The following PRKN variants were observed in gnomAD, a reference collection of about 807,000 sequenced individuals.
The protein encoded by PRKN is parkin RBR E3 ubiquitin protein ligase.
A neutral mutation model predicts 59.5 loss-of-function variants in PRKN; 56 were observed. The ratio of observed to expected loss-of-function variants is 0.94; its 90% CI spans 0.76 to 1.18. PRKN has a LOEUF of 1.18. Ranked by LOEUF, PRKN falls within the 50% of genes most tolerant of loss-of-function variation. The pLI, the probability that PRKN is intolerant of heterozygous loss-of-function variation, is 0.00. For synonymous variants in PRKN, 250 were observed against 222.1 expected (o/e 1.13, Z -1.12); for missense variants, 657 against 596.4 (o/e 1.10, Z -1.06).
intron 7 of PRKN, among the ~76,000 whole-genome samples, chr6:161,713,725 C>T (rs963913226): frequency 8.5e-5 from 13 of 152,266 alleles, no homozygotes; most frequent in African/African-American, 2.6e-4. Context: ...AAGGGTGCTC[C>T]AGGTTTGTAA....
chr6:161,934,144 A>G (rs1430296897), intron 6 of PRKN, among the ~76,000 whole-genome samples: 1 of 152,160 alleles, frequency 6.6e-6, no homozygotes. Context: ...GCCAGTTTTC[A>G]GGAGATCTGA....
chr6:162,679,464 T>C (rs1357421426), intron 1 of PRKN, among the ~76,000 whole-genome samples: 1 of 152,192 alleles, frequency 6.6e-6, no homozygotes, highest in African/African-American at 2.4e-5. Flanking sequence ...AATTGTTTTA[T>C]TTATGAATCC....
At chr6:162,511,225 G>A (rs1472145627) in intron 1 of PRKN, among the ~76,000 whole-genome samples, 3 of 151,378 alleles carry the variant, frequency 2.0e-5, no homozygotes, top group Non-Finnish European at 4.4e-5. Context: ...ATCAGGCCTG[G>A]AAGCTACCAC....
intron 6 of PRKN, among the ~76,000 whole-genome samples, chr6:161,802,021 C>A (rs1791102759): frequency 6.6e-6 from 1 of 152,216 alleles, no homozygotes; most frequent in East Asian, 1.9e-4. Context: ...CATACACAAA[C>A]AAGGAATTCG....
At chr6:161,536,796 T>C (rs532373221) in intron 9 of PRKN, among the ~76,000 whole-genome samples, 1 of 152,336 alleles carries the variant, frequency 6.6e-6, no homozygotes, top group South Asian at 2.1e-4. Flanking sequence ...GGAAGTTCTG[T>C]GCTTTTCTGA....
chr6:162,110,096 A>G (rs542586380), intron 4 of PRKN, among the ~76,000 whole-genome samples: 21 of 152,332 alleles, frequency 1.4e-4, no homozygotes, highest in African/African-American at 5.1e-4. Flanking sequence ...TTTTGAATGT[A>G]CTATGTGTGT....
At chr6:162,337,790 G>C (rs1036908178) in intron 2 of PRKN, among the ~76,000 whole-genome samples, 2 of 152,108 alleles carry the variant, frequency 1.3e-5, no homozygotes, top group Non-Finnish European at 2.9e-5. Flanking sequence ...CAGGAAAAAT[G>C]AAACAGATGA....
intron 7 of PRKN, among the ~76,000 whole-genome samples, chr6:161,717,805 G>C (rs571194700): frequency 1.3e-5 from 2 of 152,162 alleles, no homozygotes; most frequent in Non-Finnish European, 2.9e-5. Context: ...CGAGGGGTGG[G>C]ACTTGGATCC....
chr6:162,507,385 G>A (rs1452736143), intron 1 of PRKN, among the ~76,000 whole-genome samples: 2 of 151,876 alleles, frequency 1.3e-5, no homozygotes, highest in Non-Finnish European at 2.9e-5. Flanking sequence ...CAGAAAAGAT[G>A]ACAATCAAGA....
intron 6 of PRKN, among the ~76,000 whole-genome samples, chr6:161,824,755 A>C (rs1205647525): frequency 6.6e-6 from 1 of 152,258 alleles, no homozygotes; most frequent in African/African-American, 2.4e-5. Flanking sequence ...AACTAAGAGA[A>C]ATAATCATAG....
chr6:161,592,216 C>A lies in PRKN; in HGVS notation c.872-22800G>T, dbSNP rs202156939. ...GTTGGGTGACTCCTCAGTTGTGGAACCCATAGATACAGGGGGTTGACAGAC... is the reference window on the plus strand; with the variant it reads ...GTTGGGTGACTCCTCAGTTGTGGAAACCATAGATACAGGGGGTTGACAGAC... On this transcript the variant is annotated intron_variant, in intron 7 of 11. Transcript: ENST00000366898. The surrounding 1 kb of genome is among the most constrained non-coding windows in gnomAD (Gnocchi z 4.8). 2.0e-5 allele frequency among the ~76,000 whole-genome samples: 3 copies of A among 152,032 alleles called. No homozygotes were observed. Among genetic ancestry groups the A allele is most frequent in the Non-Finnish European group, 4.4e-5 (3 of 68,016 alleles).
intron 7 of PRKN, among the ~76,000 whole-genome samples, chr6:161,679,015 C>A (rs1406714843): frequency 6.6e-6 from 1 of 152,196 alleles, no homozygotes; most frequent in Non-Finnish European, 1.5e-5. Context: ...CACGCACATG[C>A]ATGTGTGTGC....
At chr6:162,474,640 G>C (rs550618097) in intron 1 of PRKN, among the ~76,000 whole-genome samples, 3 of 152,238 alleles carry the variant, frequency 2.0e-5, no homozygotes, top group Admixed American at 2.0e-4. Flanking sequence ...AAAACTTTAA[G>C]GGCAAACATA....
intron 3 of PRKN, among the ~76,000 whole-genome samples, chr6:162,213,453 C>T (rs750697643): frequency 2.0e-5 from 3 of 151,968 alleles, no homozygotes; most frequent in East Asian, 3.9e-4. Flanking sequence ...CGATGCTGGG[C>T]ACAGTGGCTC....
At chr6:162,715,870 C>T (rs180677363) in intron 1 of PRKN, among the ~76,000 whole-genome samples, 129 of 152,280 alleles carry the variant, frequency 8.5e-4, no homozygotes, top group African/African-American at 2.6e-3. Flanking sequence ...GTTTCAAACG[C>T]GCTTTCTTTC....
At chr6:162,242,495 C>G (rs1370207353) in intron 3 of PRKN, among the ~76,000 whole-genome samples, 1 of 152,072 alleles carries the variant, frequency 6.6e-6, no homozygotes, top group African/African-American at 2.4e-5. Context: ...TAAAATGTAC[C>G]TAAGTACATA....
chr6:161,533,214 A>T lies in PRKN; in HGVS notation c.1083+15640T>A, dbSNP rs1779287967. Among the ~76,000 whole-genome samples the T allele has an allele frequency of 1.3e-5, 2 of 152,200 alleles. No individual in the cohort carries two copies. Among genetic ancestry groups the T allele is most frequent in the African/African-American group, 2.4e-5 (1 of 41,450 alleles). On this transcript the variant is annotated intron_variant, in intron 9 of 11. Transcript: ENST00000366898. The surrounding 1 kb of genome is among the most constrained non-coding windows in gnomAD (Gnocchi z 4.1). ...GTCTTAAATGCATATGATATTACAA[A>T]ACTAAAATTCTTAAAATAATTTCTG...
chr6:162,064,976 CAGAGA>C (rs111503404), intron 4 of PRKN, among the ~76,000 whole-genome samples: 29 of 152,296 alleles, frequency 1.9e-4, no homozygotes, highest in African/African-American at 6.7e-4. Flanking sequence ...TGGGTATGCT[CAGAGA>C]AAAGTCCACA....
intron 7 of PRKN, among the ~76,000 whole-genome samples, chr6:161,600,473 A>G (rs947613790): frequency 2.0e-5 from 3 of 151,992 alleles, no homozygotes; most frequent in African/African-American, 4.8e-5. Flanking sequence ...ATAATTAGAT[A>G]CTTTAGGTAA....
Sources: allele counts gnomAD v4.1 joint callset (sites outside exome capture counted in the v4.1 genomes callset), GRCh38; gene constraint gnomAD v4.1.1; non-coding constraint Gnocchi (gnomAD v3.1); transcripts MANE v1.5; gene names NCBI Gene and HGNC (gene_info 2026-07-23, HGNC 2026-07-21).